Variants in CAMK1D observed in about 807,000 individuals in gnomAD.
CAMK1D encodes the protein calcium/calmodulin dependent protein kinase ID.
CAMK1D carries 9 observed loss-of-function variants against 47.7 expected under a neutral mutation model. The observed-to-expected ratio is 0.19, with a 90% CI of 0.11 to 0.33. The LOEUF (loss-of-function observed/expected upper bound fraction) is 0.33. Among genes scored for constraint, CAMK1D ranks in the 10% least tolerant of loss-of-function variants. The pLI is 1.00. For missense variants in CAMK1D, 291 were observed against 488.7 expected, an observed-to-expected ratio of 0.60 and a Z score of 3.81; for synonymous variants, 184 against 184.9, an observed-to-expected ratio of 0.99 and a Z score of 0.04.
chr10:12,550,369 A>G (rs1461692591), intron 1 of CAMK1D, among the ~76,000 whole-genome samples: 3 of 151,968 alleles, frequency 2.0e-5, no homozygotes, highest in Admixed American at 1.3e-4. Context: ...TTCTTGTTCT[A>G]CCTCCCGGAG....
At chr10:12,549,098 T>C (rs1193558445) in intron 1 of CAMK1D, among the ~76,000 whole-genome samples, 2 of 150,674 alleles carry the variant, frequency 1.3e-5, no homozygotes, top group Non-Finnish European at 3.0e-5. Flanking sequence ...TCAAGTGGTC[T>C]GCCCGCCTTG....
intron 2 of CAMK1D, among the ~76,000 whole-genome samples, chr10:12,575,280 A>T (rs533267919): frequency 6.6e-6 from 1 of 152,054 alleles, no homozygotes; most frequent in South Asian, 2.1e-4. Flanking sequence ...TTTAGTAGAG[A>T]TGGGGTTTCA....
chr10:12,485,544 G>C (rs565107555), intron 1 of CAMK1D, among the ~76,000 whole-genome samples: 2 of 152,272 alleles, frequency 1.3e-5, no homozygotes, highest in South Asian at 4.1e-4. Flanking sequence ...TGGGTCTGCA[G>C]GCTGCAGAGG....
chr10:12,490,074 G>A (rs931117391), intron 1 of CAMK1D, among the ~76,000 whole-genome samples: 1 of 152,150 alleles, frequency 6.6e-6, no homozygotes, highest in Non-Finnish European at 1.5e-5. Context: ...AGGGTGCCAC[G>A]TGGGTGTGTC....
At position 12,520,214 on chromosome 10, in the gene CAMK1D, C is replaced by T. The variant is rs1413796597; in HGVS notation, c.93-33011C>T. ...GCAGAGGGTTTCCTCACTTCTCAGA[C>T]GGGGTGGCCGGGCAGAGACGCTCCT... On this transcript the variant is annotated intron_variant, in intron 1 of 10. Transcript: ENST00000619168. Among the ~76,000 whole-genome samples the T allele has an allele frequency of 8.3e-5, 6 of 72,706 alleles. 2 individuals carry two copies. Among genetic ancestry groups the T allele is most frequent in the Non-Finnish European group, 1.7e-4 (6 of 34,672 alleles). 47.7% of individuals were successfully genotyped at this position (72,706 alleles called of 152,430 possible). A position where few individuals can be genotyped will look rare whatever the true frequency, so the allele number is the denominator to read the frequency against.
intron 1 of CAMK1D, among the ~76,000 whole-genome samples, chr10:12,415,288 T>G (rs965006386): frequency 1.3e-5 from 2 of 149,056 alleles, no homozygotes; most frequent in Non-Finnish European, 3.0e-5. Context: ...ATGTATTCTG[T>G]ATTTATTTAT....
Position 12,828,984 on chromosome 10 carries a change from G to C in CAMK1D, c.*97G>C. 1 of 831,282 alleles carries C rather than the reference G, an allele frequency of 1.2e-6. No homozygotes were observed. Among genetic ancestry groups the C allele is most frequent in the Non-Finnish European group, 1.8e-6 (1 of 540,880 alleles). The allele number at this position is 831,282 out of a possible 1,614,324, so 51.5% of individuals were successfully genotyped here. A position where few individuals can be genotyped will look rare whatever the true frequency, so the allele number is the denominator to read the frequency against. On this transcript the variant is annotated 3_prime_UTR_variant, in exon 11 of 11. Coordinates refer to ENST00000619168, the MANE Select transcript of CAMK1D (RefSeq NM_153498.4). ...ACTCCAGCGAGACCCCACCTTGCAT[G>C]GTGCCCCTTCCTGCATAGGACTGGA... is the stretch of plus-strand genomic sequence containing the variant.
At chr10:12,396,588 C>T (rs995329852) in intron 1 of CAMK1D, among the ~76,000 whole-genome samples, 3 of 152,228 alleles carry the variant, frequency 2.0e-5, no homozygotes, top group African/African-American at 7.2e-5. Context: ...GATCTCTTTT[C>T]TGTTGCTTTG....
chr10:12,397,718 G>A (rs1345448075), intron 1 of CAMK1D, among the ~76,000 whole-genome samples: 1 of 152,188 alleles, frequency 6.6e-6, no homozygotes, highest in African/African-American at 2.4e-5. Flanking sequence ...AAGAGGGTGA[G>A]TGTTGCTTAG....
chr10:12,814,235 A>G lies in CAMK1D; in HGVS notation c.682A>G (p.Lys228Glu), dbSNP rs1416718650. 1.2e-6 allele frequency: 2 copies of G among 1,613,940 alleles called. No individual in the cohort carries two copies. The highest frequency in any genetic ancestry group is 8.5e-7 in the Non-Finnish European group (1 of 1,179,886). ...TCCTTTTTATGATGAAAATGACTCC[A>G]AGCTCTTTGAGCAGATCCTCAAGGC... ...YPPFYDENDS[K>E]LFEQILKAEY... Residue 228 changes from lysine (K) to glutamate (E), a missense_variant, in exon 7 of 11, where the codon AAG (lysine) becomes GAG (glutamate). Lys to Glu is a moderately conservative substitution (Grantham distance 56). This residue lies in a region of CAMK1D where 219 missense variants were observed against 424.3 expected (regional missense o/e 0.52). Coordinates refer to ENST00000619168, the MANE Select transcript of CAMK1D (RefSeq NM_153498.4).
At chr10:12,783,358 C>T (rs896973174) in intron 5 of CAMK1D, among the ~76,000 whole-genome samples, 1 of 152,206 alleles carries the variant, frequency 6.6e-6, no homozygotes, top group Non-Finnish European at 1.5e-5. Flanking sequence ...AGGCTGCTCC[C>T]TCCTGATGTG....
chr10:12,827,462 T>C lies in CAMK1D; in HGVS notation c.1040-1307T>C, dbSNP rs753262800. Among the ~76,000 whole-genome samples the C allele has an allele frequency of 1.8e-3, 22 of 12,148 alleles. 6 individuals are homozygous for C. The highest frequency in any genetic ancestry group is 4.2e-3 in the Non-Finnish European group (17 of 4,072). The allele number at this position is 12,148 out of a possible 152,430, so 8.0% of individuals were successfully genotyped here. Reference sequence around the variant, plus strand: ...TTCTTTCTTTCTTTCTTTTCTTTCTTTGTCTGTCTGTCTTTCTTTCTTTCT... The same window carrying C: ...TTCTTTCTTTCTTTCTTTTCTTTCTCTGTCTGTCTGTCTTTCTTTCTTTCT... On this transcript the variant is annotated intron_variant, in intron 10 of 10. Coordinates refer to ENST00000619168, the MANE Select transcript of CAMK1D (RefSeq NM_153498.4).
Position 12,608,366 on chromosome 10 carries a change from C to T in CAMK1D, c.224+55010C>T, listed in dbSNP as rs187347859. 2.1e-3 allele frequency among the ~76,000 whole-genome samples: 314 copies of T among 152,114 alleles called. 1 individual carries two copies. In the Middle Eastern group the frequency reaches 0.034, roughly 16 times the overall value. ...CTGGGAGGCGGAGGTTACAGTGAGC[C>T]GAGATTGTGCCATTATAATCCAGCC... On this transcript the variant is annotated intron_variant, in intron 2 of 10. Transcript: ENST00000619168.
intron 1 of CAMK1D, among the ~76,000 whole-genome samples, chr10:12,373,694 AAC>A: frequency 6.6e-6 from 1 of 152,134 alleles, no homozygotes; most frequent in Non-Finnish European, 1.5e-5. Context: ...GAACATCTAA[AAC>A]ACTTCATAGC....
chr10:12,487,250 A>T (rs190072718), intron 1 of CAMK1D, among the ~76,000 whole-genome samples: 1 of 152,014 alleles, frequency 6.6e-6, no homozygotes, highest in Admixed American at 6.6e-5. Context: ...TAGGAGCTAA[A>T]TTTTTTCATT....
At chr10:12,396,560 G>A (rs546311370) in intron 1 of CAMK1D, among the ~76,000 whole-genome samples, 2 of 152,316 alleles carry the variant, frequency 1.3e-5, no homozygotes, top group South Asian at 2.1e-4. Context: ...TGATGTAAGG[G>A]CTATGTAGAA....
intron 2 of CAMK1D, among the ~76,000 whole-genome samples, chr10:12,585,042 C>T (rs750622625): frequency 2.0e-4 from 31 of 152,338 alleles, no homozygotes; most frequent in Non-Finnish European, 4.0e-4. Flanking sequence ...AGGTTATGTC[C>T]TGATCATGTC....
intron 1 of CAMK1D, among the ~76,000 whole-genome samples, chr10:12,376,571 A>C (rs917603225): frequency 1.3e-5 from 2 of 151,996 alleles, no homozygotes; most frequent in Non-Finnish European, 2.9e-5. Context: ...GGAATCATCA[A>C]ACCTGTACTC....
At chr10:12,352,042 A>G (rs991629295) in intron 1 of CAMK1D, among the ~76,000 whole-genome samples, 14 of 152,272 alleles carry the variant, frequency 9.2e-5, no homozygotes, top group African/African-American at 3.4e-4. Flanking sequence ...ATGTGTATTA[A>G]CTCATTTAAA....
Sources: gnomAD v4.1 joint callset for allele counts (sites outside exome capture counted in the v4.1 genomes callset) on GRCh38, gnomAD v4.1.1 for gene constraint, gnomAD v4.1.1 regional missense constraint, MANE v1.5 for transcripts, NCBI Gene and HGNC (gene_info 2026-07-23, HGNC 2026-07-21) for gene names.